C5orf24: variants seen among roughly 807,000 people sequenced by gnomAD.
C5orf24 encodes chromosome 5 open reading frame 24.
C5orf24 carries 4 observed loss-of-function variants against 9.8 expected under a neutral mutation model. The observed-to-expected ratio is 0.41, with a 90% confidence interval of 0.20 to 0.93. The LOEUF (loss-of-function observed/expected upper bound fraction) is 0.93, where lower values mean the gene tolerates loss of function less well. C5orf24 is among the 40% of genes least tolerant of loss of function. The pLI is 0.33. For synonymous variants in C5orf24, 73 were observed against 81.3 expected (o/e 0.90, Z 0.55); for missense variants, 170 against 236.9 (o/e 0.72, Z 1.85).
At chr5:134,843,751 C>T (rs1449964828), upstream of C5orf24, among the ~76,000 whole-genome samples, 1 of 152,208 alleles carries the variant, frequency 6.6e-6, no homozygotes, top group African/African-American at 2.4e-5. Context: ...GACAGGGTTT[C>T]ACCATGTTGG....
chr5:134,836,840 C>T, the C5orf24 span, among the ~76,000 whole-genome samples: 1 of 152,128 alleles, frequency 6.6e-6, no homozygotes, highest in Non-Finnish European at 1.5e-5. Context: ...CCCCTCCCAG[C>T]CTGTTAAGTT....
chr5:134,845,028 A>G (rs930695331), upstream of C5orf24, among the ~76,000 whole-genome samples: 3 of 152,036 alleles, frequency 2.0e-5, no homozygotes, highest in Non-Finnish European at 4.4e-5. Context: ...GAGCCACCGC[A>G]CCCAGGCTGT....
chr5:134,839,922 C>A, the C5orf24 span, among the ~76,000 whole-genome samples: 1 of 152,150 alleles, frequency 6.6e-6, no homozygotes, highest in Admixed American at 6.6e-5. Context: ...TCTCAAACTC[C>A]TGACCTCAAG....
intron 1 of C5orf24, among the ~76,000 whole-genome samples, chr5:134,852,931 C>T (rs774277190): frequency 1.6e-4 from 25 of 151,988 alleles, no homozygotes; most frequent in Admixed American, 3.3e-4. Flanking sequence ...TCTGGGAGGC[C>T]GAGGCAGGCA....
At chr5:134,838,049 C>A in the C5orf24 span, among the ~76,000 whole-genome samples, 1 of 152,076 alleles carries the variant, frequency 6.6e-6, no homozygotes, top group East Asian at 1.9e-4. Flanking sequence ...GAGTTCAAGA[C>A]CAGTCTGATC....
intron 1 of C5orf24, among the ~76,000 whole-genome samples, chr5:134,850,476 G>GTTT (rs199936351): frequency 7.7e-6 from 1 of 129,510 alleles, no homozygotes; most frequent in Admixed American, 7.7e-5. Flanking sequence ...AATTGCAAGT[G>GTTT]TTTTTTTTTT....
At chr5:134,853,832 C>G (rs1756235639) in intron 1 of C5orf24, among the ~76,000 whole-genome samples, 2 of 152,140 alleles carry the variant, frequency 1.3e-5, no homozygotes, top group African/African-American at 4.8e-5. Context: ...CCTGTAATCC[C>G]AACACTGTGG....
the C5orf24 span, among the ~76,000 whole-genome samples, chr5:134,837,219 C>T: frequency 6.6e-6 from 1 of 151,996 alleles, no homozygotes; most frequent in African/African-American, 2.4e-5. Flanking sequence ...GTGATCCACC[C>T]GCCTTGACCT....
chr5:134,838,253 T>C, the C5orf24 span, among the ~76,000 whole-genome samples: 10 of 152,220 alleles, frequency 6.6e-5, no homozygotes, highest in Non-Finnish European at 1.5e-4. Context: ...TGGCCTACCT[T>C]GGGCCAGGCT....
chr5:134,841,286 C>CTT (rs980194174), upstream of C5orf24, among the ~76,000 whole-genome samples: 3 of 146,798 alleles, frequency 2.0e-5, no homozygotes, highest in Admixed American at 1.4e-4. Flanking sequence ...TCAGTGATTT[C>CTT]TTTTTTTTTT....
intron 1 of C5orf24, among the ~76,000 whole-genome samples, chr5:134,849,143 T>A (rs1257332618): frequency 3.8e-4 from 58 of 151,946 alleles, no homozygotes. Flanking sequence ...TAATCCCAGC[T>A]ACTTCGGAGG....
chr5:134,851,366 T>C (rs562084419), intron 1 of C5orf24, among the ~76,000 whole-genome samples: 7 of 152,320 alleles, frequency 4.6e-5, no homozygotes, highest in African/African-American at 1.7e-4. Context: ...AGTGAGAATA[T>C]TTTAAGTTGG....
At chr5:134,838,246 C>T in the C5orf24 span, among the ~76,000 whole-genome samples, 1 of 152,130 alleles carries the variant, frequency 6.6e-6, no homozygotes, top group Non-Finnish European at 1.5e-5. Flanking sequence ...TGTGATATGG[C>T]CTACCTTGGG....
chr5:134,840,326 A>C, the C5orf24 span, among the ~76,000 whole-genome samples: 4 of 150,778 alleles, frequency 2.7e-5, no homozygotes, highest in East Asian at 7.8e-4. Flanking sequence ...AAAAAAAAAA[A>C]AGAACAGGGA....
intron 1 of C5orf24, among the ~76,000 whole-genome samples, chr5:134,850,937 T>TATATATATATATATATATAC (rs762710710): frequency 3.4e-5 from 5 of 146,992 alleles, no homozygotes; most frequent in African/African-American, 1.3e-4. Context: ...TATATATATA[T>TATATATATATATATATATAC]ACACACACAC....
rs186128303 is a variant in C5orf24, at chr5:134,853,302, G to A, written c.-3-1596G>A. Among the ~76,000 whole-genome samples the A allele has an allele frequency of 1.2e-3, 187 of 151,006 alleles. 1 individual carries two copies. The highest frequency in any genetic ancestry group is 4.2e-3 in the African/African-American group (175 of 41,204). ...CTTGAACCCAGGAGGCGGAGGTTGC[G>A]GTGAGCCAAGATTGTGCCATTGCAC... On this transcript the variant is annotated intron_variant, in intron 1 of 1. Transcript: ENST00000394976.
chr5:134,852,565 T>G (rs1024952144), intron 1 of C5orf24, among the ~76,000 whole-genome samples: 1 of 152,234 alleles, frequency 6.6e-6, no homozygotes, highest in African/African-American at 2.4e-5. Flanking sequence ...TAGGAGTAAC[T>G]GTTTTCATAA....
chr5:134,850,954 A>ACACACACT (rs1756142354), intron 1 of C5orf24, among the ~76,000 whole-genome samples: 2 of 150,666 alleles, frequency 1.3e-5, no homozygotes, highest in African/African-American at 4.9e-5. Flanking sequence ...ACACACACAC[A>ACACACACT]CTACACACAC....
At chr5:134,838,220 A>G in the C5orf24 span, among the ~76,000 whole-genome samples, 4 of 152,324 alleles carry the variant, frequency 2.6e-5, no homozygotes, top group East Asian at 1.9e-4. Flanking sequence ...AGACAAATTC[A>G]CTGGTGATTT....
Sources: allele counts gnomAD v4.1 joint callset (sites outside exome capture counted in the v4.1 genomes callset), GRCh38; gene constraint gnomAD v4.1.1; transcripts MANE v1.5; gene names NCBI Gene and HGNC (gene_info 2026-07-23, HGNC 2026-07-21).